Variants in CELF2 observed in about 807,000 individuals in gnomAD.
CELF2 encodes CUG triplet repeat RNA-binding protein 2.
Under a neutral mutation model 62.6 loss-of-function variants are expected in CELF2, and 8 were observed. The ratio of observed to expected loss-of-function variants is 0.13; its 90% confidence interval spans 0.07 to 0.23. The LOEUF (loss-of-function observed/expected upper bound fraction) is 0.23, where lower values mean the gene tolerates loss of function less well. Among genes scored for constraint, CELF2 ranks in the 10% least tolerant of loss-of-function variants. CELF2 has a pLI of 1.00. For synonymous variants in CELF2, 258 were observed against 250.0 expected (o/e 1.03, Z -0.30); for missense variants, 333 against 671.0 (o/e 0.50, Z 5.56).
intron 1 of CELF2, among the ~76,000 whole-genome samples, chr10:10,869,884 G>A (rs766348950): frequency 7.9e-5 from 12 of 152,208 alleles, no homozygotes; most frequent in Non-Finnish European, 1.6e-4. Context: ...TGAAGGCTGA[G>A]AGGATTGCTT....
chr10:10,729,852 G>A, the CELF2 span, among the ~76,000 whole-genome samples: 5 of 151,932 alleles, frequency 3.3e-5, no homozygotes, highest in Non-Finnish European at 4.4e-5. Flanking sequence ...CAAAATTATC[G>A]ATGATATGCT....
chr10:10,954,532 C>T (rs1367157569), intron 2 of CELF2, among the ~76,000 whole-genome samples: 1 of 152,152 alleles, frequency 6.6e-6, no homozygotes, highest in African/African-American at 2.4e-5. Flanking sequence ...AGGCGTGAGC[C>T]ACCGCACCTG....
At chr10:11,016,934 G>A (rs2057335182), upstream of CELF2, among the ~76,000 whole-genome samples, 1 of 152,200 alleles carries the variant, frequency 6.6e-6, no homozygotes, top group South Asian at 2.1e-4. The surrounding 1 kb of genome is among the most constrained non-coding windows in gnomAD (Gnocchi z 5.2). Flanking sequence ...CGCAATTTAT[G>A]ATGTTGATTC....
chr10:10,493,946 C>A, the CELF2 span, among the ~76,000 whole-genome samples: 1 of 152,154 alleles, frequency 6.6e-6, no homozygotes, highest in African/African-American at 2.4e-5. Flanking sequence ...CTGCCTCTAA[C>A]CTTCCCCTGA....
At chr10:11,125,783 A>T (rs2058584122) in intron 1 of CELF2, among the ~76,000 whole-genome samples, 1 of 151,330 alleles carries the variant, frequency 6.6e-6, no homozygotes, top group South Asian at 2.1e-4. Flanking sequence ...GTCTCCTAAA[A>T]CTCATTTATA....
chr10:11,166,431 G>A (rs1051082668), intron 2 of CELF2, among the ~76,000 whole-genome samples: 3 of 152,360 alleles, frequency 2.0e-5, no homozygotes, highest in African/African-American at 7.2e-5. Context: ...AAACCATTGT[G>A]AGGAGTGTGA....
chr10:11,284,638 A>G (rs150863341), intron 8 of CELF2, among the ~76,000 whole-genome samples: 17 of 145,884 alleles, frequency 1.2e-4, no homozygotes, highest in African/African-American at 3.6e-4. Flanking sequence ...CCATACCACA[A>G]TGAGGGATGG....
chr10:10,930,655 T>C (rs1019431875), intron 2 of CELF2, among the ~76,000 whole-genome samples: 20 of 152,154 alleles, frequency 1.3e-4, no homozygotes, highest in Admixed American at 8.5e-4. Context: ...GGGTAGAAAA[T>C]GGTTTCCACG....
chr10:11,253,111 G>C (rs1475386735), intron 4 of CELF2, among the ~76,000 whole-genome samples: 2 of 152,138 alleles, frequency 1.3e-5, no homozygotes, highest in Non-Finnish European at 2.9e-5. Flanking sequence ...AGCTGCTTCG[G>C]TTCTGGGTCT....
At chr10:10,739,269 A>T in the CELF2 span, among the ~76,000 whole-genome samples, 1 of 152,160 alleles carries the variant, frequency 6.6e-6, no homozygotes, top group African/African-American at 2.4e-5. Flanking sequence ...TTTTATGCTT[A>T]TTTTATAATG....
At chr10:10,591,207 T>C in the CELF2 span, among the ~76,000 whole-genome samples, 1 of 152,172 alleles carries the variant, frequency 6.6e-6, no homozygotes. Flanking sequence ...AGAAGATATA[T>C]AGAAAATTAA....
intron 1 of CELF2, among the ~76,000 whole-genome samples, chr10:11,164,137 G>T (rs182329963): frequency 1.3e-5 from 2 of 152,292 alleles, no homozygotes; most frequent in Non-Finnish European, 2.9e-5. Context: ...GCTTTGTTTC[G>T]GCGCCTTCTA....
chr10:11,196,555 T>C (rs1248213844), intron 2 of CELF2, among the ~76,000 whole-genome samples: 1 of 151,894 alleles, frequency 6.6e-6, no homozygotes, highest in Non-Finnish European at 1.5e-5. Flanking sequence ...TGGTCCCAGC[T>C]ACTCAGGAGG....
At chr10:10,506,670 ATTTTTTT>A in the CELF2 span, among the ~76,000 whole-genome samples, 8 of 64,568 alleles carry the variant, frequency 1.2e-4, no homozygotes, top group South Asian at 4.9e-3. Context: ...CCTCCTGTGA[ATTTTTTT>A]TTTTTTTTTT....
At chr10:10,647,343 T>C in the CELF2 span, among the ~76,000 whole-genome samples, 1 of 152,176 alleles carries the variant, frequency 6.6e-6, no homozygotes, top group Non-Finnish European at 1.5e-5. Context: ...CACATGTGGG[T>C]ATGGACACCC....
the CELF2 span, among the ~76,000 whole-genome samples, chr10:10,471,073 G>C: frequency 6.6e-5 from 10 of 151,280 alleles, no homozygotes; most frequent in African/African-American, 2.4e-4. Flanking sequence ...CATTCTAGAT[G>C]TTTCATTATT....
intron 1 of CELF2, among the ~76,000 whole-genome samples, chr10:11,028,743 G>A (rs1428605973): frequency 7.3e-6 from 1 of 137,620 alleles, no homozygotes; most frequent in African/African-American, 2.8e-5. Flanking sequence ...TTTGGGAGAT[G>A]GAATCTTGCT....
chr10:10,733,116 C>T, the CELF2 span, among the ~76,000 whole-genome samples: 1 of 152,116 alleles, frequency 6.6e-6, no homozygotes, highest in Non-Finnish European at 1.5e-5. Context: ...GCAATGAAGA[C>T]CACACTTTTC....
intron 1 of CELF2, among the ~76,000 whole-genome samples, chr10:11,147,124 T>C (rs1352659221): frequency 6.6e-6 from 1 of 152,200 alleles, no homozygotes. Flanking sequence ...CCCTTGTGCC[T>C]GCCAGGCTCT....
Sources: allele counts gnomAD v4.1 joint callset (sites outside exome capture counted in the v4.1 genomes callset), GRCh38; gene constraint gnomAD v4.1.1; non-coding constraint Gnocchi (gnomAD v3.1); transcripts MANE v1.5; gene names NCBI Gene and HGNC (gene_info 2026-07-23, HGNC 2026-07-21).